Variants in PAIP1 observed in about 807,000 individuals in gnomAD.
PAIP1 encodes the protein poly(A) binding protein interacting protein 1.
In PAIP1, 16 loss-of-function variants were observed where a neutral mutation model predicts 61.3. The ratio of observed to expected loss-of-function variants is 0.26; its 90% CI spans 0.18 to 0.40. PAIP1 has a LOEUF of 0.40. PAIP1 is among the 10% of genes least tolerant of loss of function. PAIP1 has a pLI of 1.00. For missense variants in PAIP1, 416 were observed against 600.9 expected (o/e 0.69, Z 3.22); for synonymous variants, 187 against 226.2 (o/e 0.83, Z 1.56).
chr5:43,533,822 T>C (rs377559171), intron 8 of PAIP1, 30 bp from the exon 9 acceptor site: 7 of 1,285,496 alleles, frequency 5.4e-6, no homozygotes, highest in South Asian at 1.2e-5. Flanking sequence ...TAAAAATATG[T>C]AATCATTTCA....
At chr5:43,533,670 G>T in intron 9 of PAIP1, 68 bp downstream of exon 9, 1 of 918,160 alleles carries the variant, frequency 1.1e-6, no homozygotes, top group Non-Finnish European at 1.8e-6. Context: ...TGGTGAGGAT[G>T]TGGTTTTCTG....
chr5:43,542,387 C>T (rs2112402173), intron 4 of PAIP1, among the ~76,000 whole-genome samples: 1 of 151,666 alleles, frequency 6.6e-6, no homozygotes, highest in African/African-American at 2.4e-5. Context: ...CAAAAATTAG[C>T]CGGGCATGGT....
rs1028517928 is a variant in PAIP1 at position 43,531,306 on chromosome 5, T to C, written c.1253-1427A>G. On this transcript the variant is annotated intron_variant, in intron 9 of 10. Coordinates refer to ENST00000306846, the MANE Select transcript of PAIP1 (RefSeq NM_006451.5). ...GAGGTTCCTATAATCCAAGCCACAGTGTTTTTCATTAAAAAAAAAATGAAA... is the reference window on the plus strand; with the variant it reads ...GAGGTTCCTATAATCCAAGCCACAGCGTTTTTCATTAAAAAAAAAATGAAA... Among the ~76,000 whole-genome samples the C allele has an allele frequency of 3.8e-5, 3 of 78,620 alleles. No individual in the cohort carries two copies. The East Asian group carries it at 1.1e-3, about 30-fold the overall frequency. The allele number at this position is 78,620 out of a possible 152,430, so 51.6% of individuals were successfully genotyped here. A position where few individuals can be genotyped will look rare whatever the true frequency, so the allele number is the denominator to read the frequency against.
chr5:43,528,301 T>A (rs764765907), intron 10 of PAIP1, among the ~76,000 whole-genome samples: 1 of 152,158 alleles, frequency 6.6e-6, no homozygotes, highest in Non-Finnish European at 1.5e-5. Context: ...CATAACATGA[T>A]TCTATCAACA....
At chr5:43,529,962 T>C in intron 9 of PAIP1, 83 bp from the exon 10 acceptor site, 1 of 721,662 alleles carries the variant, frequency 1.4e-6, no homozygotes, top group South Asian at 1.5e-5. Flanking sequence ...TTTTTTAATA[T>C]TATGACTTTT....
intron 2 of PAIP1, among the ~76,000 whole-genome samples, chr5:43,552,507 A>C (rs1747902660): frequency 6.6e-6 from 1 of 152,226 alleles, no homozygotes. Context: ...AATGGAAGAA[A>C]GAACGTCACC....
chr5:43,550,704 T>G (rs1176111064), intron 2 of PAIP1, among the ~76,000 whole-genome samples: 1 of 150,856 alleles, frequency 6.6e-6, no homozygotes, highest in East Asian at 1.9e-4. Context: ...ACCTACTAAG[T>G]GCCAAAGACT....
At position 43,556,778 on chromosome 5, in the gene PAIP1, C is replaced by T; in HGVS notation, c.69G>A (p.Gly23=). The change falls in exon 1 of 11, where the codon GGG becomes GGA. Residue 23 remains glycine, a synonymous_variant. Transcript: ENST00000306846. Reference sequence around the variant, plus strand: ...GGAAACCGCCGCCCTCAGGCCCGCCCCCTCCGCGGCCCAGGCCCCGGCTCC... The same window carrying T: ...GGAAACCGCCGCCCTCAGGCCCGCCTCCTCCGCGGCCCAGGCCCCGGCTCC... ...RGRSRGLGRG[G]GGPEGGGFPN... 1 of 1,440,112 alleles carries T rather than the reference C, an allele frequency of 6.9e-7. No homozygotes were observed. Among genetic ancestry groups the T allele is most frequent in the Non-Finnish European group, 9.1e-7 (1 of 1,100,230 alleles). The allele number at this position is 1,440,112 out of a possible 1,614,324, so 89.2% of individuals were successfully genotyped here. A position where few individuals can be genotyped will look rare whatever the true frequency, so the allele number is the denominator to read the frequency against.
intron 8 of PAIP1, 28 bp from the exon 9 acceptor site, chr5:43,533,820 T>C (rs1579908442): frequency 3.1e-6 from 4 of 1,298,762 alleles, no homozygotes; most frequent in Non-Finnish European, 4.5e-6. Context: ...GATAAAAATA[T>C]GTAATCATTT....
rs115014329 is a variant in PAIP1, at chr5:43,544,342, T to C, written c.622-1226A>G. 4.7e-3 allele frequency among the ~76,000 whole-genome samples: 712 copies of C among 152,194 alleles called. 5 individuals carry two copies. Among genetic ancestry groups the C allele is most frequent in the African/African-American group, 0.015 (640 of 41,500 alleles). On this transcript the variant is annotated intron_variant, in intron 3 of 10. Coordinates refer to ENST00000306846, the MANE Select transcript of PAIP1 (RefSeq NM_006451.5). ...TCACATTAAGGGAGAAAGAGTGATT[T>C]CTCCTGACATCATGTATGTTTAGCT...
chr5:43,541,468 A>G (rs1490475116), intron 4 of PAIP1, among the ~76,000 whole-genome samples: 1 of 149,794 alleles, frequency 6.7e-6, no homozygotes, highest in South Asian at 2.1e-4. Context: ...TTCACTTTTA[A>G]TAAGTCTCTG....
intron 9 of PAIP1, among the ~76,000 whole-genome samples, chr5:43,531,656 C>CAAAGAAAAAAAAAAAAAAAA (rs1746936873): frequency 1.7e-5 from 1 of 59,868 alleles, no homozygotes; most frequent in Non-Finnish European, 3.4e-5. Context: ...GACTCTGTCT[C>CAAAGAAAAAAAAAAAAAAAA]AAAAAAAAAA....
Position 43,556,332 on chromosome 5 carries a change from TC to T in PAIP1, c.265+249del, listed in dbSNP as rs1748070869. On this transcript the variant is annotated intron_variant, in intron 1 of 10. Transcript: ENST00000306846. ...CTGAGGGGAGGCGATTTTTACTTCC[TC>T]CCGGGACCCCGAACTCCGAGACCGC... 2.4e-6 allele frequency: 3 copies of T among 1,235,080 alleles called. 1 individual carries two copies. The South Asian group carries it at 1.2e-4, about 49-fold the overall frequency. The allele number at this position is 1,235,080 out of a possible 1,614,324, so 76.5% of individuals were successfully genotyped here. A position where few individuals can be genotyped will look rare whatever the true frequency, so the allele number is the denominator to read the frequency against.
At chr5:43,556,376 C>T (rs891485860) in intron 1 of PAIP1, 4 of 1,234,650 alleles carry the variant, frequency 3.2e-6, no homozygotes, top group African/African-American at 1.6e-5. Context: ...GCCCCTCCCC[C>T]CAGCCAGGCG....
chr5:43,527,703 T>G (rs941654292), intron 10 of PAIP1, among the ~76,000 whole-genome samples: 1 of 152,160 alleles, frequency 6.6e-6, no homozygotes, highest in Non-Finnish European at 1.5e-5. Flanking sequence ...AAAGAATATA[T>G]ATACTTTTAG....
intron 1 of PAIP1, 27 bp downstream of exon 1, chr5:43,556,555 A>G (rs1463467276): frequency 4.0e-6 from 5 of 1,245,904 alleles, no homozygotes; most frequent in Admixed American, 4.2e-5. Flanking sequence ...GCCAAGGAGG[A>G]CTGGGGCCCT....
At chr5:43,544,250 A>G (rs779050177) in intron 3 of PAIP1, among the ~76,000 whole-genome samples, 48 of 149,370 alleles carry the variant, frequency 3.2e-4, no homozygotes, top group Non-Finnish European at 6.3e-4. Flanking sequence ...CTCTGACTCT[A>G]TATGTTGGGT....
In PAIP1 at chr5:43,556,934, A is replaced by T; in HGVS notation, c.-88T>A. The T allele has an allele frequency of 7.8e-7, 1 of 1,289,638 alleles. No individual in the cohort carries two copies. The highest frequency in any genetic ancestry group is 1.6e-5 in the African/African-American group (1 of 64,254). The allele number at this position is 1,289,638 out of a possible 1,614,324, so 79.9% of individuals were successfully genotyped here. ...GGGGAAGGCGCCGCGGGTCGGCTATAGCCGCCGCGCCTCACTCGGGCCTCA... is the reference window on the plus strand; with the variant it reads ...GGGGAAGGCGCCGCGGGTCGGCTATTGCCGCCGCGCCTCACTCGGGCCTCA... On this transcript the variant is annotated 5_prime_UTR_variant, in exon 1 of 11. Coordinates refer to ENST00000306846, the MANE Select transcript of PAIP1 (RefSeq NM_006451.5).
chr5:43,554,936 A>C (rs1160240059), intron 2 of PAIP1, among the ~76,000 whole-genome samples: 1 of 152,254 alleles, frequency 6.6e-6, no homozygotes, highest in South Asian at 2.1e-4. Context: ...CAAATGGGAT[A>C]TATTCATGCA....
Sources: gnomAD v4.1 joint callset for allele counts (sites outside exome capture counted in the v4.1 genomes callset) on GRCh38, gnomAD v4.1.1 for gene constraint, MANE v1.5 for transcripts, NCBI Gene and HGNC (gene_info 2026-07-23, HGNC 2026-07-21) for gene names.